ALLC: variants seen among roughly 807,000 people sequenced by gnomAD.
ALLC encodes probable inactive allantoicase.
In ALLC, 40 loss-of-function variants were observed where a neutral mutation model predicts 45.0. The observed-to-expected ratio is 0.89, with a 90% confidence interval of 0.69 to 1.16. The LOEUF (loss-of-function observed/expected upper bound fraction) is 1.16. Ranked by LOEUF, ALLC falls within the 50% of genes most tolerant of loss-of-function variation. The probability of loss-of-function intolerance (pLI) is 0.00; values close to 1 mark genes in which losing one functional copy is unlikely to be tolerated. For missense variants in ALLC, 488 were observed against 493.1 expected (o/e 0.99, Z 0.10); for synonymous variants, 176 against 178.1 (o/e 0.99, Z 0.09).
chr2:3,661,518 A>G (rs1965732), intron 1 of ALLC, among the ~76,000 whole-genome samples: 67,218 of 152,022 alleles, frequency 0.44, 17,791 homozygotes, highest in African/African-American at 0.75. Context: ...AAGAATGAGT[A>G]TTCCCAGAGA....
intron 4 of ALLC, among the ~76,000 whole-genome samples, chr2:3,679,668 G>A (rs947172009): frequency 1.3e-5 from 2 of 152,168 alleles, no homozygotes; most frequent in African/African-American, 2.4e-5. Flanking sequence ...GAGGATTTTC[G>A]TTGGGGAATG....
the ALLC span, among the ~76,000 whole-genome samples, chr2:3,648,515 G>A: frequency 1.4e-4 from 22 of 152,344 alleles, no homozygotes; most frequent in African/African-American, 5.1e-4. Context: ...CAGTCCTGGA[G>A]GTGCTGCTGG....
chr2:3,681,676 C>T lies in ALLC; in HGVS notation c.341C>T (p.Ala114Val). Reference sequence around the variant, plus strand: ...CCAGAAAGAGGAACCAGGACAGGAGCTGCAGCCACTCCTGAGGAGTTTGAA... The same window carrying T: ...CCAGAAAGAGGAACCAGGACAGGAGTTGCAGCCACTCCTGAGGAGTTTGAA... ...EIPERGTRTG[A>V]AATPEEFEAI... Residue 114 changes from alanine (A) to valine (V), a missense_variant, in exon 6 of 12, where the codon GCT becomes GTT. Transcript: ENST00000252505. The T allele has an allele frequency of 6.2e-7, 1 of 1,611,094 alleles. No homozygotes were observed. The highest frequency in any genetic ancestry group is 2.2e-5 in the East Asian group (1 of 44,810).
intron 7 of ALLC, among the ~76,000 whole-genome samples, chr2:3,694,249 T>C (rs981366283): frequency 3.9e-5 from 6 of 152,206 alleles, no homozygotes; most frequent in Non-Finnish European, 7.3e-5. Flanking sequence ...TTGGTCAGCA[T>C]TGATGGCCTG....
chr2:3,662,869 T>C (rs1415112756), intron 1 of ALLC, among the ~76,000 whole-genome samples: 1 of 152,212 alleles, frequency 6.6e-6, no homozygotes, highest in Non-Finnish European at 1.5e-5. Flanking sequence ...TGTGTTGCAG[T>C]GGCGAGGGGA....
At chr2:3,666,981 G>T in intron 1 of ALLC, among the ~76,000 whole-genome samples, 1 of 152,204 alleles carries the variant, frequency 6.6e-6, no homozygotes, top group East Asian at 1.9e-4. Context: ...ATAATTTCAA[G>T]TAACTGAAAA....
At chr2:3,701,720 C>T in intron 11 of ALLC, 84 bp downstream of exon 11, 1 of 1,438,370 alleles carries the variant, frequency 7.0e-7, no homozygotes, top group African/African-American at 1.4e-5. Context: ...GGATACGCTC[C>T]AAAGTTTCTG....
chr2:3,675,599 T>C (rs11123611), intron 3 of ALLC, among the ~76,000 whole-genome samples: 97,736 of 147,784 alleles, frequency 0.66, 32,075 homozygotes, highest in East Asian at 0.87. Flanking sequence ...TATATATATA[T>C]ACACACACAC....
At chr2:3,698,736 T>A (rs1463001814) in intron 10 of ALLC, among the ~76,000 whole-genome samples, 1 of 152,156 alleles carries the variant, frequency 6.6e-6, no homozygotes, top group Non-Finnish European at 1.5e-5. Flanking sequence ...ATTCATGTTT[T>A]GGGTGAGTGG....
chr2:3,691,769 G>A (rs1450582725), intron 7 of ALLC, among the ~76,000 whole-genome samples: 1 of 152,040 alleles, frequency 6.6e-6, no homozygotes, highest in African/African-American at 2.4e-5. Context: ...ATCTTTTGAG[G>A]TAATATTTTA....
At chr2:3,681,551 A>G in intron 5 of ALLC, 83 bp from the exon 6 acceptor site, 1 of 946,294 alleles carries the variant, frequency 1.1e-6, no homozygotes, top group Admixed American at 2.7e-5. Flanking sequence ...CAAAGCGAGA[A>G]TTACCATACA....
intron 7 of ALLC, among the ~76,000 whole-genome samples, chr2:3,690,055 C>T (rs1236046163): frequency 6.8e-6 from 1 of 148,128 alleles, no homozygotes; most frequent in African/African-American, 2.5e-5. Flanking sequence ...CTTTTTCCAT[C>T]CTTTCACTGT....
chr2:3,687,665 G>C (rs13008924), intron 7 of ALLC, among the ~76,000 whole-genome samples: 44,327 of 150,558 alleles, frequency 0.29, 7,829 homozygotes, highest in Middle Eastern at 0.36. Flanking sequence ...GTTCAATCTT[G>C]GTAGATTGTA....
intron 1 of ALLC, among the ~76,000 whole-genome samples, chr2:3,661,705 A>T (rs1369023564): frequency 6.6e-6 from 1 of 152,228 alleles, no homozygotes; most frequent in Non-Finnish European, 1.5e-5. Flanking sequence ...GTGGTGACTG[A>T]TAACTCTTCT....
At chr2:3,683,132 G>A (rs955598051) in intron 7 of ALLC, 58 bp downstream of exon 7, 9 of 1,523,280 alleles carry the variant, frequency 5.9e-6, no homozygotes, top group Non-Finnish European at 8.0e-6. Flanking sequence ...ATGTTGACAT[G>A]TTTATAAAAT....
the ALLC span, among the ~76,000 whole-genome samples, chr2:3,651,580 T>G: frequency 2.0e-5 from 3 of 151,980 alleles, no homozygotes; most frequent in East Asian, 5.9e-4. Context: ...GCACCCACGT[T>G]GTGTCCCTGC....
In ALLC at chr2:3,689,983, A is replaced by G. The variant is rs562683529; in HGVS notation, c.512-5734A>G. On this transcript the variant is annotated intron_variant, in intron 7 of 11. Coordinates refer to ENST00000252505, the MANE Select transcript of ALLC (RefSeq NM_018436.4). ...TTTAACAGTCTTTGATTTGTAGTCT[A>G]TTTTATCTGATATAAGTGTAGCTAC... is the stretch of plus-strand genomic sequence containing the variant. 1.8e-4 allele frequency among the ~76,000 whole-genome samples: 25 copies of G among 142,072 alleles called. 1 individual carries two copies. The South Asian group carries it at 4.7e-3, about 27-fold the overall frequency. The allele number at this position is 142,072 out of a possible 152,430, so 93.2% of individuals were successfully genotyped here.
At chr2:3,697,105 CAT>C (rs1667695639) in intron 9 of ALLC, among the ~76,000 whole-genome samples, 1 of 152,096 alleles carries the variant, frequency 6.6e-6, no homozygotes, top group Non-Finnish European at 1.5e-5. Context: ...CTATAATTGA[CAT>C]AGAAATTTAG....
At chr2:3,679,587 A>G (rs943945228) in intron 4 of ALLC, among the ~76,000 whole-genome samples, 2 of 152,210 alleles carry the variant, frequency 1.3e-5, no homozygotes, top group Non-Finnish European at 1.5e-5. Flanking sequence ...GTCATAGGAA[A>G]TGATCCATTT....
Sources: gnomAD v4.1 joint callset for allele counts (sites outside exome capture counted in the v4.1 genomes callset) on GRCh38, gnomAD v4.1.1 for gene constraint, MANE v1.5 for transcripts, NCBI Gene and HGNC (gene_info 2026-07-23, HGNC 2026-07-21) for gene names.